The following SMAD9 variants were observed in gnomAD, a reference collection of about 807,000 sequenced individuals.
SMAD9 encodes MAD homolog 9.
In SMAD9, 36 loss-of-function variants were observed where a neutral mutation model predicts 46.1. The ratio of observed to expected loss-of-function variants is 0.78; its 90% CI spans 0.60 to 1.03. The LOEUF is 1.03. Among genes scored for constraint, SMAD9 ranks in the 50% least tolerant of loss-of-function variants. SMAD9 has a pLI of 0.00. For synonymous variants in SMAD9, 245 were observed against 237.1 expected, an observed-to-expected ratio of 1.03 and a Z score of -0.31; for missense variants, 572 against 599.8, an observed-to-expected ratio of 0.95 and a Z score of 0.48.
rs537440831 is a variant in SMAD9, at chr13:36,917,369, T to C, written c.-187+2747A>G. 2.0e-5 allele frequency among the ~76,000 whole-genome samples: 3 copies of C among 151,958 alleles called. No individual in the cohort carries two copies. The South Asian group carries it at 6.3e-4, about 32-fold the overall frequency. ...AAACATTGTGAAAATGCTCACAGTA[T>C]TGTTAAGTACTTATGCATTTACTGT... On this transcript the variant is annotated intron_variant, in intron 1 of 6. Transcript: ENST00000379826.
chr13:36,866,061 TA>T lies in SMAD9; in HGVS notation c.782-304del, dbSNP rs1170828677. Among the ~76,000 whole-genome samples the T allele has an allele frequency of 6.6e-5, 10 of 152,144 alleles. No individual in the cohort carries two copies. The East Asian group carries it at 1.9e-3, about 29-fold the overall frequency. On this transcript the variant is annotated intron_variant, in intron 4 of 6. Coordinates refer to ENST00000379826, the MANE Select transcript of SMAD9 (RefSeq NM_001127217.3). ...AAAACATGACATGAACAGATGAACA[TA>T]AAAAAACTGTCGGCCCTAAAGCAAG...
intron 1 of SMAD9, among the ~76,000 whole-genome samples, chr13:36,901,798 C>A (rs1039322881): frequency 6.6e-6 from 1 of 152,118 alleles, no homozygotes; most frequent in Non-Finnish European, 1.5e-5. Flanking sequence ...ATTTGTATGT[C>A]TTCTTTGGAA....
intron 5 of SMAD9, among the ~76,000 whole-genome samples, 157 bp from the exon 6 acceptor site, chr13:36,853,832 T>C (rs1448887871): frequency 6.6e-6 from 1 of 152,218 alleles, no homozygotes; most frequent in Non-Finnish European, 1.5e-5. Flanking sequence ...CTTAGTTTAA[T>C]GATAATCTGT....
chr13:36,897,849 C>CTTT (rs574741770), intron 1 of SMAD9, among the ~76,000 whole-genome samples: 104 of 90,014 alleles, frequency 1.2e-3, no homozygotes, highest in Non-Finnish European at 1.4e-3. Flanking sequence ...TGTCCTGTGT[C>CTTT]TTTTTTTTTT....
intron 1 of SMAD9, among the ~76,000 whole-genome samples, chr13:36,896,055 C>T (rs2058525269): frequency 6.6e-6 from 1 of 151,956 alleles, no homozygotes; most frequent in African/African-American, 2.4e-5. Context: ...GAAAATTAAC[C>T]TCTCCCTTAT....
Position 36,846,964 on chromosome 13 carries a change from C to T in SMAD9, c.*1712G>A, listed in dbSNP as rs1014731201. 6.6e-6 allele frequency: 1 copy of T among 152,194 alleles called. No individual in the cohort carries two copies. The highest frequency in any genetic ancestry group is 2.4e-5 in the African/African-American group (1 of 41,452). 9.4% of individuals were successfully genotyped at this position (152,194 alleles called of 1,614,324 possible). On this transcript the variant is annotated 3_prime_UTR_variant, in exon 7 of 7. Coordinates refer to ENST00000379826, the MANE Select transcript of SMAD9 (RefSeq NM_001127217.3). ...CTACAGTACCTAACATTGTACCTGA[C>T]ACCCATAGGTAGGTGCACAATACAT...
Position 36,879,483 on chromosome 13 carries a change from G to A in SMAD9, c.207C>T (p.Val69=). ...GCCCGTCCAGGGAGCGGGGAATCGT[G>A]ACGCATTTGCTGGGCTGCCCCGGGC... ...LSCPGQPSKC[V]TIPRSLDGRL... The change falls in exon 2 of 7, where the codon GTC becomes GTT. Residue 69 remains valine (V), a synonymous_variant. Transcript: ENST00000379826. 3.7e-6 allele frequency: 6 copies of A among 1,613,922 alleles called. No homozygotes were observed. Among genetic ancestry groups the A allele is most frequent in the Non-Finnish European group, 5.1e-6 (6 of 1,180,020 alleles).
intron 1 of SMAD9, among the ~76,000 whole-genome samples, chr13:36,904,067 G>A (rs2058599420): frequency 6.6e-6 from 1 of 151,916 alleles, no homozygotes; most frequent in Non-Finnish European, 1.5e-5. Flanking sequence ...GTCTTACATA[G>A]CAAATACTGC....
intron 1 of SMAD9, among the ~76,000 whole-genome samples, chr13:36,908,515 C>A (rs1358418996): frequency 2.6e-5 from 4 of 152,100 alleles, no homozygotes; most frequent in African/African-American, 4.8e-5. Context: ...ACTTTAGGAT[C>A]CCTCCTGGAA....
rs538275998 is a variant in SMAD9 at position 36,844,841 on chromosome 13, G to A, written c.*3835C>T. On this transcript the variant is annotated 3_prime_UTR_variant, in exon 7 of 7. Coordinates refer to ENST00000379826, the MANE Select transcript of SMAD9 (RefSeq NM_001127217.3). ...ATGAGCCAAAAGACATATAAGTACA[G>A]TATTCTTTATTATAAACAATCAGAT... 6.6e-6 allele frequency: 1 copy of A among 152,100 alleles called. No individual in the cohort carries two copies. The allele number at this position is 152,100 out of a possible 1,614,324, so 9.4% of individuals were successfully genotyped here.
In SMAD9 at chr13:36,902,557, G is replaced by A. The variant is rs561079820; in HGVS notation, c.-187+17559C>T. Reference sequence around the variant, plus strand: ...CAACCTCTGCCTCCCGGGTTCAAGCGATTCTCCTGCCTCAGCCTCCCAAGT... The same window carrying A: ...CAACCTCTGCCTCCCGGGTTCAAGCAATTCTCCTGCCTCAGCCTCCCAAGT... On this transcript the variant is annotated intron_variant, in intron 1 of 6. Coordinates refer to ENST00000379826, the MANE Select transcript of SMAD9 (RefSeq NM_001127217.3). 6.6e-5 allele frequency among the ~76,000 whole-genome samples: 10 copies of A among 151,730 alleles called. No homozygotes were observed. The East Asian group carries it at 1.2e-3, about 18-fold the overall frequency.
Position 36,872,920 on chromosome 13 carries a change from G to A in SMAD9, c.413-5C>T, listed in dbSNP as rs754675557. 11 of 1,613,986 alleles carry A rather than the reference G, an allele frequency of 6.8e-6. No homozygotes were observed. In the East Asian group the frequency reaches 1.3e-4, roughly 20 times the overall value. On this transcript the variant is annotated splice_region_variant and splice_polypyrimidine_tract_variant and intron_variant, in intron 2 of 6. Coordinates refer to ENST00000379826, the MANE Select transcript of SMAD9 (RefSeq NM_001127217.3). ...GCACGAGCACAGGAGGCAGTACTAG[G>A]ATCAGAAAGGAACAAGGCAGTTAGA...
At chr13:36,871,517 CAAAATAA>C (rs1291995096) in intron 3 of SMAD9, among the ~76,000 whole-genome samples, 6 of 148,554 alleles carry the variant, frequency 4.0e-5, no homozygotes, top group East Asian at 2.1e-4. Flanking sequence ...GACTCCGTCT[CAAAATAA>C]AAAATAAAAA....
At chr13:36,900,570 G>A (rs1427301756) in intron 1 of SMAD9, among the ~76,000 whole-genome samples, 2 of 151,586 alleles carry the variant, frequency 1.3e-5, no homozygotes, top group Non-Finnish European at 2.9e-5. Context: ...TGAGCCACCC[G>A]CTTGGCCGAC....
At chr13:36,889,884 TG>T (rs1452416314) in intron 1 of SMAD9, among the ~76,000 whole-genome samples, 2 of 152,130 alleles carry the variant, frequency 1.3e-5, no homozygotes, top group African/African-American at 2.4e-5. Flanking sequence ...CCAGATCTTA[TG>T]CAACATCAAA....
chr13:36,883,855 C>G (rs556554784), intron 1 of SMAD9, among the ~76,000 whole-genome samples: 3 of 152,260 alleles, frequency 2.0e-5, no homozygotes, highest in Non-Finnish European at 4.4e-5. Flanking sequence ...GTAAGAAAAT[C>G]GTGTATCCCT....
intron 1 of SMAD9, among the ~76,000 whole-genome samples, chr13:36,912,743 C>G (rs1412929607): frequency 6.6e-6 from 1 of 152,210 alleles, no homozygotes; most frequent in Non-Finnish European, 1.5e-5. Context: ...CTGAAAGAAT[C>G]TCTTCCTGTT....
rs2058033338 is a variant in SMAD9 at position 36,845,477 on chromosome 13, T to G, written c.*3199A>C. 6.9e-6 allele frequency: 1 copy of G among 145,250 alleles called. No homozygotes were observed. The highest frequency in any genetic ancestry group is 2.6e-5 in the African/African-American group (1 of 37,752). The allele number at this position is 145,250 out of a possible 1,614,324, so 9.0% of individuals were successfully genotyped here. On this transcript the variant is annotated 3_prime_UTR_variant, in exon 7 of 7. Coordinates refer to ENST00000379826, the MANE Select transcript of SMAD9 (RefSeq NM_001127217.3). ...ACCAACAACAAAAACTGATCAATGT[T>G]CTGGGTCTTGTGAGCAGACCGAAAT...
chr13:36,891,678 T>C (rs1417216842), intron 1 of SMAD9, among the ~76,000 whole-genome samples: 1 of 152,174 alleles, frequency 6.6e-6, no homozygotes, highest in African/African-American at 2.4e-5. Context: ...GTTCCCTAGG[T>C]CAGAGCTGGA....
Sources: gnomAD v4.1 joint callset for allele counts (sites outside exome capture counted in the v4.1 genomes callset) on GRCh38, gnomAD v4.1.1 for gene constraint, MANE v1.5 for transcripts, NCBI Gene and HGNC (gene_info 2026-07-23, HGNC 2026-07-21) for gene names.